MBD2: variants seen among roughly 807,000 people sequenced by gnomAD.
MBD2 encodes methyl-CpG-binding domain protein 2.
MBD2 carries 9 observed loss-of-function variants against 39.3 expected under a neutral mutation model. The observed-to-expected ratio is 0.23, with a 90% CI of 0.14 to 0.40. MBD2 has a LOEUF of 0.40. MBD2 is among the 10% of genes least tolerant of loss of function. The probability of loss-of-function intolerance (pLI) is 1.00; values close to 1 mark genes in which losing one functional copy is unlikely to be tolerated. For synonymous variants in MBD2, 233 were observed against 211.1 expected (o/e 1.10, Z -0.90); for missense variants, 458 against 532.6 (o/e 0.86, Z 1.38).
In MBD2 at chr18:54,217,833, G is replaced by A. The variant is rs960589955; in HGVS notation, c.542+6185C>T. The stretch of plus-strand genomic sequence containing the variant: ...CTAATACAAGTATTGTGGGTGTTGC[G>A]GCAGGTGAGACTTTGCATGTCAGAT... On this transcript the variant is annotated intron_variant, in intron 1 of 6. Coordinates refer to ENST00000256429, the MANE Select transcript of MBD2 (RefSeq NM_003927.5). Among the ~76,000 whole-genome samples, 28 of 152,108 alleles carry A rather than the reference G, an allele frequency of 1.8e-4. 1 individual carries two copies. Among genetic ancestry groups the A allele is most frequent in the Admixed American group, 1.0e-3 (16 of 15,280 alleles).
chr18:54,221,369 A>T (rs2086610505), intron 1 of MBD2, among the ~76,000 whole-genome samples: 1 of 148,958 alleles, frequency 6.7e-6, no homozygotes, highest in Non-Finnish European at 1.5e-5. Flanking sequence ...GAGGCAGGAG[A>T]ATGGCGTGAA....
chr18:54,156,082 C>T (rs1352125980), intron 6 of MBD2, among the ~76,000 whole-genome samples: 3 of 152,218 alleles, frequency 2.0e-5, no homozygotes, highest in South Asian at 2.1e-4. Flanking sequence ...CTTATGAGCC[C>T]GTGAAGATGG....
At chr18:54,189,119 TCA>T in intron 2 of MBD2, 108 bp from the exon 3 acceptor site, 1 of 706,236 alleles carries the variant, frequency 1.4e-6, no homozygotes, top group Non-Finnish European at 2.2e-6. Flanking sequence ...TCCAAACTTC[TCA>T]GTCTATCGCA....
rs1196329578 is a variant in MBD2, at chr18:54,224,314, A to C, written c.246T>G (p.Arg82=). The C allele has an allele frequency of 1.5e-5, 14 of 945,916 alleles. No homozygotes were observed. The South Asian group carries it at 2.4e-4, about 16-fold the overall frequency. The allele number at this position is 945,916 out of a possible 1,614,324, so 58.6% of individuals were successfully genotyped here. Residue 82 remains arginine, a synonymous_variant, in exon 1 of 7, where the codon CGT becomes CGG. Transcript: ENST00000256429. ...GVCGRGRGRG[R]GRGRGRGRGR... ...CCCGGCCCCGTCCCCGTCCCCGGCC[A>C]CGGCCCCGGCCCCGGCCACGGCCAC...
chr18:54,159,265 C>G (rs530624326), intron 6 of MBD2, among the ~76,000 whole-genome samples: 2 of 152,240 alleles, frequency 1.3e-5, no homozygotes, highest in East Asian at 3.9e-4. Context: ...AATGTCCTCC[C>G]AGTATGAGAA....
chr18:54,196,583 T>C (rs1412455277), intron 2 of MBD2, among the ~76,000 whole-genome samples: 2 of 152,140 alleles, frequency 1.3e-5, no homozygotes, highest in African/African-American at 2.4e-5. Context: ...AATGGTTTTC[T>C]GTAGGGCTTA....
chr18:54,177,245 G>C (rs2086218061), intron 3 of MBD2, among the ~76,000 whole-genome samples: 1 of 152,182 alleles, frequency 6.6e-6, no homozygotes, highest in Admixed American at 6.5e-5. Context: ...TATTTGCTCA[G>C]TGTTGATTTT....
chr18:54,203,746 C>T (rs1440114866), intron 2 of MBD2, among the ~76,000 whole-genome samples: 2 of 152,150 alleles, frequency 1.3e-5, no homozygotes. Flanking sequence ...GGCAAGAGAG[C>T]TCGGGTCAGA....
chr18:54,196,556 A>G (rs1443221218), intron 2 of MBD2, among the ~76,000 whole-genome samples: 1 of 152,190 alleles, frequency 6.6e-6, no homozygotes, highest in Non-Finnish European at 1.5e-5. Context: ...TGGGAGAACT[A>G]TGGAAATAGT....
chr18:54,221,435 G>C (rs1390029314), intron 1 of MBD2, among the ~76,000 whole-genome samples: 1 of 149,550 alleles, frequency 6.7e-6, no homozygotes, highest in East Asian at 2.0e-4. Context: ...TCCAGCCTGG[G>C]CAACAGAGCA....
intron 6 of MBD2, 121 bp downstream of exon 6, chr18:54,159,644 A>T: frequency 9.9e-7 from 1 of 1,015,084 alleles, no homozygotes; most frequent in Non-Finnish European, 1.5e-6. Context: ...GTCTCGAACT[A>T]CTGAGCTCAA....
rs576558926 is a variant in MBD2 at position 54,199,153 on chromosome 18, T to G, written c.702+5845A>C. Among the ~76,000 whole-genome samples, 3 of 152,198 alleles carry G rather than the reference T, an allele frequency of 2.0e-5. No individual in the cohort carries two copies. The East Asian group carries it at 5.8e-4, about 29-fold the overall frequency. On this transcript the variant is annotated intron_variant, in intron 2 of 6. Coordinates refer to ENST00000256429, the MANE Select transcript of MBD2 (RefSeq NM_003927.5). ...AATAATAATAAAATTTTAAAACATTTGAAAGAACAGGCACATTGTGTTTCT... is the reference window on the plus strand; with the variant it reads ...AATAATAATAAAATTTTAAAACATTGGAAAGAACAGGCACATTGTGTTTCT...
chr18:54,156,061 C>G (rs1267466841), intron 6 of MBD2, among the ~76,000 whole-genome samples: 1 of 152,076 alleles, frequency 6.6e-6, no homozygotes, highest in Non-Finnish European at 1.5e-5. Flanking sequence ...CTGAAGGGAC[C>G]TTGGTTATCT....
chr18:54,165,738 C>G (rs1329188920), intron 4 of MBD2, among the ~76,000 whole-genome samples: 1 of 152,144 alleles, frequency 6.6e-6, no homozygotes, highest in East Asian at 1.9e-4. Context: ...TTGCTATAAG[C>G]AGGAAGCTTT....
chr18:54,172,651 A>G (rs1413591701), intron 3 of MBD2, among the ~76,000 whole-genome samples: 1 of 152,178 alleles, frequency 6.6e-6, no homozygotes, highest in Non-Finnish European at 1.5e-5. Context: ...AAAAAAATTC[A>G]CTAGACAAAA....
At chr18:54,167,215 C>A (rs16957887) in intron 3 of MBD2, among the ~76,000 whole-genome samples, 1 of 152,174 alleles carries the variant, frequency 6.6e-6, no homozygotes, top group African/African-American at 2.4e-5. Context: ...AAAATGGGAG[C>A]AACTGGACTC....
chr18:54,188,846 A>C, intron 3 of MBD2, 28 bp downstream of exon 3: 9 of 1,561,294 alleles, frequency 5.8e-6, no homozygotes, highest in Non-Finnish European at 7.8e-6. Context: ...TCTGAAAAAT[A>C]AGATTGGAGA....
In MBD2 at chr18:54,152,334, G is replaced by T. The variant is rs1402966473; in HGVS notation, c.*2990C>A. 2 of 152,234 alleles carry T rather than the reference G, an allele frequency of 1.3e-5. No homozygotes were observed. The highest frequency in any genetic ancestry group is 1.5e-5 in the Non-Finnish European group (1 of 68,102). The allele number at this position is 152,234 out of a possible 1,614,324, so 9.4% of individuals were successfully genotyped here. A position where few individuals can be genotyped will look rare whatever the true frequency, so the allele number is the denominator to read the frequency against. Reference sequence around the variant, plus strand: ...GCACTTCAAAGAAGCAAGTAAAGAGGTTTTTCTTGAGCTGAAGGTGCAGTG... The same window carrying T: ...GCACTTCAAAGAAGCAAGTAAAGAGTTTTTTCTTGAGCTGAAGGTGCAGTG... On this transcript the variant is annotated 3_prime_UTR_variant, in exon 7 of 7. Transcript: ENST00000256429.
chr18:54,223,730 C>A (rs1461050597), intron 1 of MBD2, among the ~76,000 whole-genome samples: 1 of 152,162 alleles, frequency 6.6e-6, no homozygotes. Flanking sequence ...CTCCTTTTAA[C>A]CCTTCAGTGG....
Sources: allele counts gnomAD v4.1 joint callset (sites outside exome capture counted in the v4.1 genomes callset), GRCh38; gene constraint gnomAD v4.1.1; transcripts MANE v1.5; gene names NCBI Gene and HGNC (gene_info 2026-07-23, HGNC 2026-07-21).